Variants in VPS41 observed in about 807,000 individuals in gnomAD.
The protein encoded by VPS41 is vacuolar protein sorting-associated protein 41 homolog.
In VPS41, 85 loss-of-function variants were observed where a neutral mutation model predicts 130.9. That is an observed-to-expected ratio of 0.65 (90% confidence interval 0.55 to 0.78). The LOEUF is 0.78. VPS41 is among the 30% of genes least tolerant of loss of function. VPS41 has a pLI of 0.00. For missense variants in VPS41, 874 were observed against 1,018.7 expected (o/e 0.86, Z 1.93); for synonymous variants, 335 against 332.9 (o/e 1.01, Z -0.07).
rs981036276 is a variant in VPS41, at chr7:38,826,944, G to C, written c.321+3310C>G. On this transcript the variant is annotated intron_variant, in intron 5 of 28. Coordinates refer to ENST00000310301, the MANE Select transcript of VPS41 (RefSeq NM_014396.4). Reference sequence around the variant, plus strand: ...CACCATTCTCCTGCCTCAGCCTCCCGAGTAGCTGGGACTACAGGTGCCCGC... The same window carrying C: ...CACCATTCTCCTGCCTCAGCCTCCCCAGTAGCTGGGACTACAGGTGCCCGC... Among the ~76,000 whole-genome samples the C allele has an allele frequency of 2.1e-4, 32 of 151,724 alleles. 1 individual carries two copies. The highest frequency in any genetic ancestry group is 4.4e-5 in the Non-Finnish European group (3 of 67,940).
At chr7:38,775,849 C>T (rs985838340) in intron 11 of VPS41, among the ~76,000 whole-genome samples, 37 of 151,450 alleles carry the variant, frequency 2.4e-4, no homozygotes, top group African/African-American at 9.0e-4. Context: ...AGGATACAAA[C>T]AAGGATAGTC....
At position 38,811,068 on chromosome 7, in the gene VPS41, A is replaced by T. The variant is rs774380741; in HGVS notation, c.450+6749T>A. Among the ~76,000 whole-genome samples the T allele has an allele frequency of 3.3e-5, 5 of 152,122 alleles. No individual in the cohort carries two copies. In the East Asian group the frequency reaches 9.6e-4, roughly 29 times the overall value. ...TGCGAACACTTTCAAAATGAAAGTG[A>T]TCATTTCACAAGTCCTCCTTTCTTA... On this transcript the variant is annotated intron_variant, in intron 7 of 28. Coordinates refer to ENST00000310301, the MANE Select transcript of VPS41 (RefSeq NM_014396.4).
chr7:38,849,556 C>A (rs1226390968), intron 4 of VPS41, among the ~76,000 whole-genome samples: 5 of 152,210 alleles, frequency 3.3e-5, no homozygotes, highest in African/African-American at 1.2e-4. Context: ...CCCGGCCTCT[C>A]CTCCAACCTC....
In VPS41 at chr7:38,850,940, A is replaced by G. The variant is rs11972546; in HGVS notation, c.246+11605T>C. 7.6e-3 allele frequency among the ~76,000 whole-genome samples: 1,159 copies of G among 152,342 alleles called. 23 individuals are homozygous for G. Among genetic ancestry groups the G allele is most frequent in the African/African-American group, 0.026 (1,083 of 41,570 alleles). ...AAACTCTCAGACTGCTGGCAGGAACATATTTTGGTATAACCTAACTGCAGG... is the reference window on the plus strand; with the variant it reads ...AAACTCTCAGACTGCTGGCAGGAACGTATTTTGGTATAACCTAACTGCAGG... On this transcript the variant is annotated intron_variant, in intron 4 of 28. Transcript: ENST00000310301.
intron 2 of VPS41, among the ~76,000 whole-genome samples, chr7:38,893,629 G>A (rs1786913829): frequency 6.6e-6 from 1 of 152,208 alleles, no homozygotes; most frequent in South Asian, 2.1e-4. Context: ...GGAAGGACCA[G>A]TTTAGTTAGT....
At chr7:38,867,652 A>C (rs907538022) in intron 3 of VPS41, among the ~76,000 whole-genome samples, 2 of 152,250 alleles carry the variant, frequency 1.3e-5, no homozygotes, top group Admixed American at 1.3e-4. Flanking sequence ...TGACATTTTC[A>C]ATCTTCTTAC....
intron 16 of VPS41, 29 bp from the exon 17 acceptor site, chr7:38,763,576 C>A: frequency 2.0e-6 from 3 of 1,484,614 alleles, no homozygotes; most frequent in South Asian, 1.2e-5. Flanking sequence ...AAAAAAAGTC[C>A]ATTAAAATAT....
chr7:38,907,817 T>C (rs9638944), intron 1 of VPS41, among the ~76,000 whole-genome samples: 48,647 of 152,024 alleles, frequency 0.32, 8,296 homozygotes, highest in Admixed American at 0.5. Context: ...AATCAAACCA[T>C]AAAACAAACA....
intron 2 of VPS41, among the ~76,000 whole-genome samples, chr7:38,870,582 TGTACA>T (rs1331811381): frequency 6.6e-6 from 1 of 151,916 alleles, no homozygotes; most frequent in Admixed American, 6.6e-5. Context: ...CAATTTTTCA[TGTACA>T]GTACTAAGGA....
chr7:38,821,786 A>G (rs569375036), intron 5 of VPS41, among the ~76,000 whole-genome samples: 3 of 152,294 alleles, frequency 2.0e-5, no homozygotes, highest in African/African-American at 7.2e-5. Context: ...GCTGCAATTA[A>G]GCTTTCATAA....
intron 1 of VPS41, among the ~76,000 whole-genome samples, chr7:38,904,839 T>C (rs1172635856): frequency 6.6e-6 from 1 of 152,160 alleles, no homozygotes; most frequent in African/African-American, 2.4e-5. Context: ...GAATTCAAAG[T>C]AGAAACTCTC....
chr7:38,880,747 C>A (rs1392151199), intron 2 of VPS41, among the ~76,000 whole-genome samples: 2 of 152,130 alleles, frequency 1.3e-5, no homozygotes, highest in African/African-American at 2.4e-5. Context: ...ATGAAAGAAA[C>A]CTTTGTGCTA....
rs895952789 is a variant in VPS41, at chr7:38,887,193, G to A, written c.60+10898C>T. 2.6e-5 allele frequency among the ~76,000 whole-genome samples: 4 copies of A among 152,164 alleles called. 1 individual carries two copies. Among genetic ancestry groups the A allele is most frequent in the South Asian group, 4.1e-4 (2 of 4,828 alleles). On this transcript the variant is annotated intron_variant, in intron 2 of 28. Coordinates refer to ENST00000310301, the MANE Select transcript of VPS41 (RefSeq NM_014396.4). ...GGATAACGAGTTTGACAAGTTGACC[G>A]AAGTAGGCTTCAAAGGCCGGTAATA...
chr7:38,726,230 G>C lies in VPS41; in HGVS notation c.*16C>G. On this transcript the variant is annotated 3_prime_UTR_variant, in exon 29 of 29. Coordinates refer to ENST00000310301, the MANE Select transcript of VPS41 (RefSeq NM_014396.4). ...CAAAAAGAGTGGTGACAAGGAGACT[G>C]ACAAGGAGAAATGAGCTATTTTTTC... 1 of 1,592,994 alleles carries C rather than the reference G, an allele frequency of 6.3e-7. No individual in the cohort carries two copies. The highest frequency in any genetic ancestry group is 8.6e-7 in the Non-Finnish European group (1 of 1,161,008).
intron 2 of VPS41, among the ~76,000 whole-genome samples, chr7:38,877,537 C>T (rs1247527255): frequency 2.0e-5 from 3 of 151,992 alleles, no homozygotes; most frequent in African/African-American, 4.8e-5. Context: ...TGTTGTTATA[C>T]GAAAAAGGAA....
chr7:38,805,959 T>G (rs1289691058), intron 7 of VPS41, among the ~76,000 whole-genome samples: 1 of 152,202 alleles, frequency 6.6e-6, no homozygotes, highest in Non-Finnish European at 1.5e-5. Flanking sequence ...GCCTTCATTG[T>G]CCTGGCTTCT....
At chr7:38,854,690 C>G (rs919830210) in intron 4 of VPS41, among the ~76,000 whole-genome samples, 1 of 152,126 alleles carries the variant, frequency 6.6e-6, no homozygotes, top group African/African-American at 2.4e-5. Context: ...CAGCGAACTT[C>G]TATCAATTTC....
At chr7:38,906,564 C>T (rs1787271113) in intron 1 of VPS41, among the ~76,000 whole-genome samples, 1 of 152,096 alleles carries the variant, frequency 6.6e-6, no homozygotes, top group Non-Finnish European at 1.5e-5. Flanking sequence ...GTCTCGAACT[C>T]CTGGGCTCAA....
At chr7:38,769,442 T>A (rs373879078) in intron 14 of VPS41, among the ~76,000 whole-genome samples, 3 of 152,336 alleles carry the variant, frequency 2.0e-5, no homozygotes, top group East Asian at 1.9e-4. Context: ...CCCTAATGTG[T>A]CCTGTGCAGA....
Sources: gnomAD v4.1 joint callset for allele counts (sites outside exome capture counted in the v4.1 genomes callset) on GRCh38, gnomAD v4.1.1 for gene constraint, MANE v1.5 for transcripts, NCBI Gene and HGNC (gene_info 2026-07-23, HGNC 2026-07-21) for gene names.